Variants in PUDP observed in about 807,000 individuals in gnomAD.
PUDP encodes pseudouridine 5'-phosphatase, also known as pseudouridine-5'-phosphatase.
In PUDP, 8 loss-of-function variants were observed where a neutral mutation model predicts 9.4. The observed-to-expected ratio is 0.85, with a 90% CI of 0.50 to 1.53. PUDP has a LOEUF of 1.53. Among genes scored for constraint, PUDP ranks in the 40% most tolerant of loss-of-function variants. The pLI is 0.00. For missense variants in PUDP, 188 were observed against 189.7 expected, an observed-to-expected ratio of 0.99 and a Z score of 0.05; for synonymous variants, 99 against 80.7, an observed-to-expected ratio of 1.23 and a Z score of -1.22.
At chrX:6,828,061 T>A (rs1344926840) in intron 3 of PUDP, among the ~76,000 whole-genome samples, 1 of 111,969 alleles carries the variant, frequency 8.9e-6, no homozygotes, top group African/African-American at 3.2e-5. Flanking sequence ...AATAGGCATA[T>A]ACACATGCAT....
intron 3 of PUDP, among the ~76,000 whole-genome samples, chrX:7,073,726 C>A (rs1930812881): frequency 8.9e-6 from 1 of 112,835 alleles, no homozygotes; most frequent in Admixed American, 9.3e-5. Context: ...AGGAGGAAGA[C>A]CCACAATGTG....
intron 1 of PUDP, among the ~76,000 whole-genome samples, chrX:7,014,734 C>T (rs1466434391): frequency 1.8e-5 from 2 of 111,250 alleles, no homozygotes; most frequent in Non-Finnish European, 3.8e-5. Flanking sequence ...TGGAAGACAG[C>T]CAAAAAATTA....
intron 3 of PUDP, among the ~76,000 whole-genome samples, chrX:6,906,503 G>A (rs1008365406): frequency 5.3e-5 from 6 of 112,285 alleles, no homozygotes; most frequent in African/African-American, 1.9e-4. Flanking sequence ...CAGAGGCCTC[G>A]AACGCAGGCG....
At chrX:6,995,516 G>C (rs1015235768) in intron 1 of PUDP, among the ~76,000 whole-genome samples, 3 of 110,814 alleles carry the variant, frequency 2.7e-5, no homozygotes, top group Non-Finnish European at 3.8e-5. Context: ...TTGAGTCCAG[G>C]AGTTCGAGAC....
At chrX:6,998,057 T>G (rs903357695) in intron 1 of PUDP, among the ~76,000 whole-genome samples, 1 of 111,970 alleles carries the variant, frequency 8.9e-6, no homozygotes, top group Non-Finnish European at 1.9e-5. Flanking sequence ...CATAGTCTTG[T>G]GGACCTGGTG....
chrX:7,145,628 C>G (rs1932843196), intron 1 of PUDP, among the ~76,000 whole-genome samples: 1 of 108,037 alleles, frequency 9.3e-6, no homozygotes, highest in South Asian at 4.1e-4. Flanking sequence ...GGACAACTAA[C>G]AGCATCGTGC....
chrX:6,811,393 C>T lies in PUDP; in HGVS notation c.*248-104927G>A, dbSNP rs1926141454. On this transcript the variant is annotated intron_variant and NMD_transcript_variant, in intron 3 of 3. Transcript: ENST00000655425. ...GCAATGGTGTGACCTCGGCTCACTG[C>T]AACCTCCACTTTCCAGGTTCAAGCG... Among the ~76,000 whole-genome samples, 4 of 110,887 alleles carry T rather than the reference C, an allele frequency of 3.6e-5. No homozygotes were observed. The South Asian group carries it at 1.6e-3, about 44-fold the overall frequency.
Position 6,818,717 on chromosome X carries a change from G to A in PUDP, c.*248-112251C>T, listed in dbSNP as rs1201952948. On this transcript the variant is annotated intron_variant and NMD_transcript_variant, in intron 3 of 3. Coordinates refer to the PUDP transcript ENST00000655425. Reference sequence around the variant, plus strand: ...AGCATTTACGATCAAGTAAATCCAGGCTGGCTTGCTTCCTTTGACTTCTAT... The same window carrying A: ...AGCATTTACGATCAAGTAAATCCAGACTGGCTTGCTTCCTTTGACTTCTAT... 3.6e-5 allele frequency among the ~76,000 whole-genome samples: 4 copies of A among 111,717 alleles called. No individual in the cohort carries two copies. The Admixed American group carries it at 3.8e-4, about 11-fold the overall frequency.
intron 3 of PUDP, among the ~76,000 whole-genome samples, chrX:6,871,878 C>G (rs1927180063): frequency 8.9e-6 from 1 of 111,794 alleles, no homozygotes; most frequent in Admixed American, 9.5e-5. Context: ...AAACCATGAA[C>G]TGATAGCTTT....
At chrX:6,762,140 C>T (rs1180154043) in intron 3 of PUDP, among the ~76,000 whole-genome samples, 7 of 111,379 alleles carry the variant, frequency 6.3e-5, no homozygotes, top group African/African-American at 2.0e-4. Context: ...TGCAGTAAGC[C>T]GAGATCATAC....
At chrX:6,740,001 G>A (rs1203377614) in intron 3 of PUDP, among the ~76,000 whole-genome samples, 2 of 111,330 alleles carry the variant, frequency 1.8e-5, no homozygotes, top group African/African-American at 3.3e-5. Context: ...ATCGCAGAAT[G>A]TCTCTGTCAT....
rs1310006060 is a variant in PUDP, at chrX:7,059,805, G to A, written c.511-9333C>T. On this transcript the variant is annotated intron_variant, in intron 3 of 3. Transcript: ENST00000381077. ...GCTTTTGAGAGAAGCTACAGAGGGG[G>A]CTTCCCCAAACAGGATTATCACAGC... Among the ~76,000 whole-genome samples the A allele has an allele frequency of 4.5e-5, 5 of 112,125 alleles. No homozygotes were observed. The East Asian group carries it at 1.4e-3, about 32-fold the overall frequency.
At chrX:6,804,994 CG>C (rs1227689804) in intron 3 of PUDP, among the ~76,000 whole-genome samples, 2 of 111,747 alleles carry the variant, frequency 1.8e-5, no homozygotes, top group African/African-American at 6.5e-5. Context: ...AGGCTGGGCA[CG>C]GGGGCTCATG....
At chrX:6,921,219 C>CA (rs1928017486) in intron 3 of PUDP, among the ~76,000 whole-genome samples, 1 of 109,522 alleles carries the variant, frequency 9.1e-6, no homozygotes, top group Non-Finnish European at 1.9e-5. Flanking sequence ...CCTATTTCTA[C>CA]AAAAAATCAA....
chrX:6,766,392 A>G (rs1033097056), intron 3 of PUDP, among the ~76,000 whole-genome samples: 1 of 111,963 alleles, frequency 8.9e-6, no homozygotes, highest in Admixed American at 9.5e-5. Flanking sequence ...CAAAAATTAG[A>G]ACATTTGTTT....
chrX:7,144,320 C>T (rs1261101601), intron 1 of PUDP, among the ~76,000 whole-genome samples: 1 of 112,337 alleles, frequency 8.9e-6, no homozygotes, highest in Non-Finnish European at 1.9e-5. Context: ...TTCTGACAAT[C>T]CACCTAGGGC....
chrX:6,843,447 A>C (rs1429802026), intron 3 of PUDP, among the ~76,000 whole-genome samples: 1 of 111,668 alleles, frequency 9.0e-6, no homozygotes, highest in Non-Finnish European at 1.9e-5. Context: ...CAAATATCCT[A>C]TAAAAAAAGA....
At chrX:6,792,682 T>C (rs941598102) in intron 3 of PUDP, among the ~76,000 whole-genome samples, 22 of 112,311 alleles carry the variant, frequency 2.0e-4, no homozygotes, top group African/African-American at 7.1e-4. Context: ...CTGTTGCTGC[T>C]TACCAAACCT....
chrX:6,937,128 C>G (rs1397276506), intron 3 of PUDP, among the ~76,000 whole-genome samples: 1 of 98,459 alleles, frequency 1.0e-5, no homozygotes, highest in African/African-American at 3.6e-5. Flanking sequence ...TTGGAAAAAA[C>G]TACTTTAAAG....
Sources: gnomAD v4.1 joint callset for allele counts (sites outside exome capture counted in the v4.1 genomes callset) on GRCh38, gnomAD v4.1.1 for gene constraint, MANE v1.5 for transcripts, NCBI Gene and HGNC (gene_info 2026-07-23, HGNC 2026-07-21) for gene names.